POLR3H: variants seen among roughly 807,000 people sequenced by gnomAD.
POLR3H encodes the protein DNA-directed RNA polymerase III subunit RPC8.
POLR3H carries 17 observed loss-of-function variants against 25.5 expected under a neutral mutation model. That is an observed-to-expected ratio of 0.67 (90% CI 0.46 to 1.00). POLR3H has a LOEUF of 1.00. Among genes scored for constraint, POLR3H ranks in the 50% least tolerant of loss-of-function variants. The pLI is 0.00. For synonymous variants in POLR3H, 129 were observed against 103.0 expected, an observed-to-expected ratio of 1.25 and a Z score of -1.53; for missense variants, 274 against 265.0, an observed-to-expected ratio of 1.03 and a Z score of -0.24.
chr22:41,526,178 G>C lies in POLR3H; in HGVS notation c.*3105C>G. ...TCTGTCACCCCTCCTGGGCCCCGGG[G>C]CCTGCTGCCTGCCTCTGGAGGGCTT... On this transcript the variant is annotated 3_prime_UTR_variant, in exon 6 of 6. Coordinates refer to ENST00000355209, the MANE Select transcript of POLR3H (RefSeq NM_001018050.4). 7.7e-7 allele frequency: 1 copy of C among 1,298,096 alleles called. No individual in the cohort carries two copies. Among genetic ancestry groups the C allele is most frequent in the Non-Finnish European group, 1.1e-6 (1 of 933,034 alleles). 80.4% of individuals were successfully genotyped at this position (1,298,096 alleles called of 1,614,324 possible). A position where few individuals can be genotyped will look rare whatever the true frequency, so the allele number is the denominator to read the frequency against.
At position 41,544,372 on chromosome 22, in the gene POLR3H, G is replaced by GCCACGCCACT. The variant is rs372220931; in HGVS notation, c.-281_-272dup. On this transcript the variant is annotated 5_prime_UTR_variant, in exon 1 of 6. Coordinates refer to ENST00000355209, the MANE Select transcript of POLR3H (RefSeq NM_001018050.4). ...ACCCCGCCACGCCACGCCACTCCAC[G>GCCACGCCACT]CCACGCCACTCCACGCCCCGCACCC... 4.7e-4 allele frequency: 161 copies of GCCACGCCACT among 342,208 alleles called. No individual in the cohort carries two copies. The highest frequency in any genetic ancestry group is 3.5e-3 in the African/African-American group (157 of 44,454). 21.2% of individuals were successfully genotyped at this position (342,208 alleles called of 1,614,324 possible).
rs946496587 is a variant in POLR3H, at chr22:41,526,174, C to T, written c.*3109G>A. The T allele has an allele frequency of 1.5e-4, 194 of 1,270,772 alleles. No individual in the cohort carries two copies. The highest frequency in any genetic ancestry group is 2.8e-4 in the Middle Eastern group (1 of 3,590). 78.7% of individuals were successfully genotyped at this position (1,270,772 alleles called of 1,614,324 possible). ...CCCCTCTGTCACCCCTCCTGGGCCC[C>T]GGGGCCTGCTGCCTGCCTCTGGAGG... On this transcript the variant is annotated 3_prime_UTR_variant, in exon 6 of 6. Transcript: ENST00000355209.
chr22:41,542,134 A>G (rs370645983), intron 1 of POLR3H, among the ~76,000 whole-genome samples: 7 of 151,604 alleles, frequency 4.6e-5, no homozygotes, highest in African/African-American at 1.7e-4. Context: ...CCCAGGCTGG[A>G]AGGCAGTGGT....
intron 1 of POLR3H, 128 bp from the exon 2 acceptor site, chr22:41,540,923 A>G: frequency 2.9e-6 from 2 of 700,096 alleles, no homozygotes; most frequent in Admixed American, 2.4e-5. Context: ...TTAGGTGAAA[A>G]TGAGTTTGTG....
At chr22:41,532,050 G>A in intron 4 of POLR3H, 44 bp downstream of exon 4, 1 of 1,579,776 alleles carries the variant, frequency 6.3e-7, no homozygotes, top group Middle Eastern at 1.7e-4. Context: ...CTTTGGAGAG[G>A]CCTGAGCTCC....
chr22:41,527,721 C>T lies in POLR3H; in HGVS notation c.*1562G>A, dbSNP rs1293879108. On this transcript the variant is annotated 3_prime_UTR_variant, in exon 6 of 6. Coordinates refer to ENST00000355209, the MANE Select transcript of POLR3H (RefSeq NM_001018050.4). ...AAGGCCTCGCAGACCTCAGCACCAG[C>T]GCACACTTGCTAGGGGCACCCCTAG... 10 of 1,002,420 alleles carry T rather than the reference C, an allele frequency of 1.0e-5. No individual in the cohort carries two copies. The Admixed American group carries it at 1.6e-4, about 16-fold the overall frequency. The allele number at this position is 1,002,420 out of a possible 1,614,324, so 62.1% of individuals were successfully genotyped here.
At chr22:41,541,876 C>T (rs972386033) in intron 1 of POLR3H, among the ~76,000 whole-genome samples, 2 of 152,154 alleles carry the variant, frequency 1.3e-5, no homozygotes, top group Non-Finnish European at 2.9e-5. Context: ...TCTGAAGGGA[C>T]CTGTCTCATG....
Position 41,527,116 on chromosome 22 carries a change from A to C in POLR3H, c.*2167T>G. 1.1e-6 allele frequency: 1 copy of C among 941,120 alleles called. No homozygotes were observed. The highest frequency in any genetic ancestry group is 1.6e-6 in the Non-Finnish European group (1 of 639,086). 58.3% of individuals were successfully genotyped at this position (941,120 alleles called of 1,614,324 possible). A position where few individuals can be genotyped will look rare whatever the true frequency, so the allele number is the denominator to read the frequency against. ...TCGGGGCCTCGTTTGGGTCTCATTCACGCAGGCTTCACTTGCCCTTAGGCA... is the reference window on the plus strand; with the variant it reads ...TCGGGGCCTCGTTTGGGTCTCATTCCCGCAGGCTTCACTTGCCCTTAGGCA... On this transcript the variant is annotated 3_prime_UTR_variant, in exon 6 of 6. Transcript: ENST00000355209.
Position 41,526,179 on chromosome 22 carries a change from C to A in POLR3H, c.*3104G>T. ...CTGTCACCCCTCCTGGGCCCCGGGG[C>A]CTGCTGCCTGCCTCTGGAGGGCTTG... On this transcript the variant is annotated 3_prime_UTR_variant, in exon 6 of 6. Coordinates refer to ENST00000355209, the MANE Select transcript of POLR3H (RefSeq NM_001018050.4). 7.8e-7 allele frequency: 1 copy of A among 1,283,076 alleles called. No homozygotes were observed. Among genetic ancestry groups the A allele is most frequent in the Non-Finnish European group, 1.1e-6 (1 of 922,778 alleles). The allele number at this position is 1,283,076 out of a possible 1,614,324, so 79.5% of individuals were successfully genotyped here. A position where few individuals can be genotyped will look rare whatever the true frequency, so the allele number is the denominator to read the frequency against.
chr22:41,526,229 CCT>C lies in POLR3H; in HGVS notation c.*3052_*3053del. 1 of 1,595,710 alleles carries C rather than the reference CCT, an allele frequency of 6.3e-7. No individual in the cohort carries two copies. Among genetic ancestry groups the C allele is most frequent in the Non-Finnish European group, 8.6e-7 (1 of 1,168,392 alleles). On this transcript the variant is annotated 3_prime_UTR_variant, in exon 6 of 6. Transcript: ENST00000355209. ...GTCATCCACCCCTCCAGGGCCATGC[CCT>C]GACCTCTGTCCTCTCTACTTACCAC...
At position 41,526,054 on chromosome 22, in the gene POLR3H, T is replaced by A. The variant is rs1460591286; in HGVS notation, c.*3229A>T. 3 of 529,782 alleles carry A rather than the reference T, an allele frequency of 5.7e-6. No homozygotes were observed. Among genetic ancestry groups the A allele is most frequent in the Middle Eastern group, 5.0e-4 (1 of 1,996 alleles). The allele number at this position is 529,782 out of a possible 1,614,324, so 32.8% of individuals were successfully genotyped here. ...AAGGGAGACTGAGCAGCCAGAGGCCTTTGAGGGGATGAAGGCCTGGCCTGA... is the reference window on the plus strand; with the variant it reads ...AAGGGAGACTGAGCAGCCAGAGGCCATTGAGGGGATGAAGGCCTGGCCTGA... On this transcript the variant is annotated 3_prime_UTR_variant, in exon 6 of 6. Coordinates refer to ENST00000355209, the MANE Select transcript of POLR3H (RefSeq NM_001018050.4).
At chr22:41,538,103 T>G (rs1216333405) in intron 2 of POLR3H, among the ~76,000 whole-genome samples, 5 of 150,774 alleles carry the variant, frequency 3.3e-5, no homozygotes, top group Non-Finnish European at 5.9e-5. Context: ...GTAGCTGGGA[T>G]TACAGACATG....
In POLR3H at chr22:41,530,635, C is replaced by T. The variant is rs569079592; in HGVS notation, c.561+52G>A. ...CCCCAGGACACAGCTTCCAGCCCTGCACTCCGGCTCTCCCGCCTCATGGGG... is the reference window on the plus strand; with the variant it reads ...CCCCAGGACACAGCTTCCAGCCCTGTACTCCGGCTCTCCCGCCTCATGGGG... On this transcript the variant is annotated intron_variant, in intron 5 of 5. Coordinates refer to ENST00000355209, the MANE Select transcript of POLR3H (RefSeq NM_001018050.4). 6.6e-6 allele frequency: 10 copies of T among 1,515,106 alleles called. No homozygotes were observed. In the African/African-American group the frequency reaches 9.6e-5, roughly 15 times the overall value. The allele number at this position is 1,515,106 out of a possible 1,614,324, so 93.9% of individuals were successfully genotyped here. A position where few individuals can be genotyped will look rare whatever the true frequency, so the allele number is the denominator to read the frequency against.
At chr22:41,534,730 A>G (rs919686036) in intron 2 of POLR3H, among the ~76,000 whole-genome samples, 1 of 151,830 alleles carries the variant, frequency 6.6e-6, no homozygotes, top group Non-Finnish European at 1.5e-5. Flanking sequence ...CGTCTCTACT[A>G]AAAAAATACA....
chr22:41,526,088 G>A lies in POLR3H; in HGVS notation c.*3195C>T, dbSNP rs980038730. 4 of 589,716 alleles carry A rather than the reference G, an allele frequency of 6.8e-6. No individual in the cohort carries two copies. Among genetic ancestry groups the A allele is most frequent in the Non-Finnish European group, 1.2e-5 (4 of 335,932 alleles). 36.5% of individuals were successfully genotyped at this position (589,716 alleles called of 1,614,324 possible). A position where few individuals can be genotyped will look rare whatever the true frequency, so the allele number is the denominator to read the frequency against. On this transcript the variant is annotated 3_prime_UTR_variant, in exon 6 of 6. Transcript: ENST00000355209. Reference sequence around the variant, plus strand: ...ATGAAGGCCTGGCCTGAGCCCATGTGGCCTTAGGGTGGAAGCACCAGGACC... The same window carrying A: ...ATGAAGGCCTGGCCTGAGCCCATGTAGCCTTAGGGTGGAAGCACCAGGACC...
chr22:41,526,235 C>T lies in POLR3H; in HGVS notation c.*3048G>A, dbSNP rs372507274. 84 of 1,602,862 alleles carry T rather than the reference C, an allele frequency of 5.2e-5. No homozygotes were observed. Among genetic ancestry groups the T allele is most frequent in the Middle Eastern group, 4.5e-4 (2 of 4,442 alleles). On this transcript the variant is annotated 3_prime_UTR_variant, in exon 6 of 6. Transcript: ENST00000355209. ...CACCCCTCCAGGGCCATGCCCTGAC[C>T]TCTGTCCTCTCTACTTACCACCCAA... is the stretch of plus-strand genomic sequence containing the variant.
At chr22:41,537,822 T>C (rs2145563734) in intron 2 of POLR3H, among the ~76,000 whole-genome samples, 1 of 152,248 alleles carries the variant, frequency 6.6e-6, no homozygotes, top group East Asian at 1.9e-4. Context: ...AACTTTTTTT[T>C]TTTGAGACGG....
chr22:41,536,374 G>T (rs945885358), intron 2 of POLR3H, among the ~76,000 whole-genome samples: 1 of 151,788 alleles, frequency 6.6e-6, no homozygotes, highest in African/African-American at 2.4e-5. Context: ...CAGCCTGGGC[G>T]ACAGAGCGAG....
chr22:41,537,109 G>A (rs923662365), intron 2 of POLR3H, among the ~76,000 whole-genome samples: 13 of 152,094 alleles, frequency 8.5e-5, no homozygotes, highest in African/African-American at 2.9e-4. Context: ...GGGGAACACG[G>A]GCTGGCACCA....
Sources: allele counts gnomAD v4.1 joint callset (sites outside exome capture counted in the v4.1 genomes callset), GRCh38; gene constraint gnomAD v4.1.1; transcripts MANE v1.5; gene names NCBI Gene and HGNC (gene_info 2026-07-23, HGNC 2026-07-21).